LRBA: variants seen among roughly 807,000 people sequenced by gnomAD.
The protein encoded by LRBA is lipopolysaccharide-responsive and beige-like anchor protein.
In LRBA, 176 loss-of-function variants were observed where a neutral mutation model predicts 330.0. The observed-to-expected ratio is 0.53, with a 90% CI of 0.47 to 0.60. The LOEUF is 0.60. LRBA is among the 20% of genes least tolerant of loss of function. LRBA has a pLI of 0.00. For missense variants in LRBA, 3,259 were observed against 3,444.8 expected, an observed-to-expected ratio of 0.95 and a Z score of 1.35; for synonymous variants, 1,230 against 1,193.0, an observed-to-expected ratio of 1.03 and a Z score of -0.64.
At position 150,908,913 on chromosome 4, in the gene LRBA, A is replaced by G; in HGVS notation, c.1162-56T>C. The stretch of plus-strand genomic sequence containing the variant: ...ATGCCACAAAGAGAATCTAAGTACA[A>G]ATCAACACAGGTGTAAAACTTTAAG... On this transcript the variant is annotated intron_variant, in intron 9 of 56. Coordinates refer to ENST00000651943, the MANE Select transcript of LRBA (RefSeq NM_001364905.1). 2.5e-6 allele frequency: 3 copies of G among 1,211,314 alleles called. No individual in the cohort carries two copies. The South Asian group carries it at 4.1e-5, about 16-fold the overall frequency. The allele number at this position is 1,211,314 out of a possible 1,614,324, so 75.0% of individuals were successfully genotyped here.
Position 150,842,910 on chromosome 4 carries a change from C to T in LRBA, c.4569+1190G>A, listed in dbSNP as rs1749307314. Among the ~76,000 whole-genome samples, 4 of 148,128 alleles carry T rather than the reference C, an allele frequency of 2.7e-5. No individual in the cohort carries two copies. In the South Asian group the frequency reaches 8.9e-4, roughly 33 times the overall value. On this transcript the variant is annotated intron_variant, in intron 28 of 56. Coordinates refer to ENST00000651943, the MANE Select transcript of LRBA (RefSeq NM_001364905.1). ...CAATGGACCTGTAGGGGGTAAGAGG[C>T]GGGGTGGGGGTAGGGGGCATGGTTT...
chr4:150,290,919 C>T (rs1728201409), intron 53 of LRBA, among the ~76,000 whole-genome samples: 1 of 152,108 alleles, frequency 6.6e-6, no homozygotes, highest in East Asian at 1.9e-4. Flanking sequence ...GATCTCTATA[C>T]TAACCACTTA....
At chr4:150,578,478 A>T (rs945353582) in intron 40 of LRBA, among the ~76,000 whole-genome samples, 1 of 152,206 alleles carries the variant, frequency 6.6e-6, no homozygotes, top group African/African-American at 2.4e-5. Flanking sequence ...GGTTTCGGTG[A>T]AATAGGAAAT....
At chr4:150,349,283 T>C (rs1255127616) in intron 48 of LRBA, among the ~76,000 whole-genome samples, 1 of 152,180 alleles carries the variant, frequency 6.6e-6, no homozygotes, top group African/African-American at 2.4e-5. Context: ...GCCCCATGAA[T>C]CAAAGCTCCT....
intron 47 of LRBA, among the ~76,000 whole-genome samples, chr4:150,351,573 C>T (rs917184430): frequency 6.6e-6 from 1 of 152,070 alleles, no homozygotes; most frequent in Non-Finnish European, 1.5e-5. Context: ...CCTGTAGTCC[C>T]AGCTACCCGG....
At chr4:150,684,543 A>G (rs1783358744) in intron 36 of LRBA, among the ~76,000 whole-genome samples, 1 of 152,190 alleles carries the variant, frequency 6.6e-6, no homozygotes, top group Admixed American at 6.5e-5. Context: ...TTACCAAAAA[A>G]CACCTTAGAA....
chr4:150,626,777 G>T (rs913270332), intron 37 of LRBA, among the ~76,000 whole-genome samples: 10 of 151,828 alleles, frequency 6.6e-5, no homozygotes, highest in Non-Finnish European at 1.5e-4. Flanking sequence ...CTTGGAAATG[G>T]GATTACCATT....
intron 2 of LRBA, among the ~76,000 whole-genome samples, chr4:150,962,004 TG>T (rs1738201465): frequency 6.7e-6 from 1 of 149,284 alleles, no homozygotes; most frequent in African/African-American, 2.6e-5. Context: ...AGGCAAGAAG[TG>T]GTGCTGCTAG....
At chr4:150,529,901 ATCT>A (rs1414607724) in intron 40 of LRBA, among the ~76,000 whole-genome samples, 1 of 152,182 alleles carries the variant, frequency 6.6e-6, no homozygotes, top group Middle Eastern at 3.4e-3. Context: ...TATTCTGTTG[ATCT>A]TCTTCTATCT....
intron 35 of LRBA, among the ~76,000 whole-genome samples, chr4:150,749,763 A>C (rs1441466182): frequency 1.3e-5 from 2 of 152,074 alleles, no homozygotes; most frequent in African/African-American, 2.4e-5. Flanking sequence ...AAAACAAAAC[A>C]AACAAATAAG....
chr4:150,727,067 G>GTTTTTTTTTTTTTT (rs34671398), intron 36 of LRBA, among the ~76,000 whole-genome samples: 1 of 79,500 alleles, frequency 1.3e-5, no homozygotes, highest in African/African-American at 5.3e-5. Context: ...ACATTTCGTT[G>GTTTTTTTTTTTTTT]TTTTTTTTTT....
At chr4:150,452,092 C>T (rs1017936666) in intron 44 of LRBA, among the ~76,000 whole-genome samples, 1 of 152,138 alleles carries the variant, frequency 6.6e-6, no homozygotes, top group Non-Finnish European at 1.5e-5. Flanking sequence ...TAAGCATTAC[C>T]GTGATGCCAC....
chr4:150,810,598 TA>T (rs1445521995), intron 31 of LRBA, among the ~76,000 whole-genome samples: 3 of 152,124 alleles, frequency 2.0e-5, no homozygotes, highest in Non-Finnish European at 4.4e-5. Context: ...TGCTGACAAT[TA>T]TTTTTTATTT....
chr4:150,819,252 G>C (rs747027540), intron 30 of LRBA, among the ~76,000 whole-genome samples: 18 of 151,134 alleles, frequency 1.2e-4, no homozygotes, highest in Non-Finnish European at 2.7e-4. Flanking sequence ...AAAAAAATCA[G>C]AATAATTGCC....
intron 37 of LRBA, among the ~76,000 whole-genome samples, chr4:150,670,308 T>C (rs1781945460): frequency 6.6e-6 from 1 of 152,240 alleles, no homozygotes; most frequent in African/African-American, 2.4e-5. Flanking sequence ...TTATAAATTA[T>C]TGACTTCACG....
intron 53 of LRBA, among the ~76,000 whole-genome samples, chr4:150,291,913 G>A (rs973573267): frequency 6.6e-6 from 1 of 152,190 alleles, no homozygotes; most frequent in African/African-American, 2.4e-5. Flanking sequence ...ATGAGTTCAT[G>A]TCCTTTGTAG....
chr4:150,809,907 TACGATACGATACGATAC>T (rs1560850242), intron 31 of LRBA, among the ~76,000 whole-genome samples: 16 of 147,508 alleles, frequency 1.1e-4, no homozygotes, highest in South Asian at 4.3e-4. Flanking sequence ...TACGATACGA[TACGATACGATACGATAC>T]GATACGATAC....
chr4:150,721,688 C>A (rs1728956459), intron 36 of LRBA, among the ~76,000 whole-genome samples: 1 of 152,154 alleles, frequency 6.6e-6, no homozygotes, highest in Admixed American at 6.5e-5. Context: ...GATCTTGGCT[C>A]ACTGCAGCCT....
At chr4:150,864,664 T>TTTG (rs1752446240) in intron 22 of LRBA, among the ~76,000 whole-genome samples, 2 of 107,894 alleles carry the variant, frequency 1.9e-5, no homozygotes, top group South Asian at 6.1e-4. Flanking sequence ...TTTTTTTTTT[T>TTTG]GAGACAGAGT....
Sources: gnomAD v4.1 joint callset for allele counts (sites outside exome capture counted in the v4.1 genomes callset) on GRCh38, gnomAD v4.1.1 for gene constraint, MANE v1.5 for transcripts, NCBI Gene and HGNC (gene_info 2026-07-23, HGNC 2026-07-21) for gene names.